Variants in CATSPERB observed in about 807,000 individuals in gnomAD.
CATSPERB encodes cation channel sperm-associated auxiliary subunit beta.
Under a neutral mutation model 128.3 loss-of-function variants are expected in CATSPERB, and 93 were observed. The ratio of observed to expected loss-of-function variants is 0.72; its 90% CI spans 0.61 to 0.86. The LOEUF (loss-of-function observed/expected upper bound fraction) is 0.86. Among genes scored for constraint, CATSPERB ranks in the 40% least tolerant of loss-of-function variants. The probability of loss-of-function intolerance (pLI) is 0.00; values close to 1 mark genes in which losing one functional copy is unlikely to be tolerated. For missense variants in CATSPERB, 1,153 were observed against 1,329.5 expected (o/e 0.87, Z 2.06); for synonymous variants, 381 against 448.8 (o/e 0.85, Z 1.91).
intron 22 of CATSPERB, among the ~76,000 whole-genome samples, chr14:91,594,499 A>G (rs1474417662): frequency 6.6e-6 from 1 of 152,080 alleles, no homozygotes; most frequent in Non-Finnish European, 1.5e-5. Flanking sequence ...AAAAAAAAAA[A>G]AAGAAGTGCC....
chr14:91,605,603 G>A (rs1002137054), intron 22 of CATSPERB, among the ~76,000 whole-genome samples: 3 of 152,066 alleles, frequency 2.0e-5, no homozygotes, highest in Non-Finnish European at 2.9e-5. Context: ...AAACTCTTTC[G>A]CTGGCTCATT....
intron 26 of CATSPERB, among the ~76,000 whole-genome samples, chr14:91,584,952 C>T (rs1030082486): frequency 1.3e-5 from 2 of 152,162 alleles, no homozygotes; most frequent in Non-Finnish European, 2.9e-5. Context: ...CTTACGTCTT[C>T]ACCAAACTTG....
At chr14:91,600,910 G>A (rs565689952) in intron 22 of CATSPERB, among the ~76,000 whole-genome samples, 13 of 152,142 alleles carry the variant, frequency 8.5e-5, no homozygotes, top group African/African-American at 2.4e-4. Context: ...TTTTACCTTC[G>A]GTGTATTTGC....
In CATSPERB at chr14:91,587,601, GATTGGT is replaced by G. The variant is rs1893326523; in HGVS notation, c.3058-331_3058-326del. ...TGGCTTCAAGATGTTCCCTAATTCTGATTGGTTTTCACAATTATCTGTATTATACCA... is the reference window on the plus strand; with the variant it reads ...TGGCTTCAAGATGTTCCCTAATTCTGTTTCACAATTATCTGTATTATACCA... On this transcript the variant is annotated intron_variant, in intron 25 of 26. Coordinates refer to ENST00000256343, the MANE Select transcript of CATSPERB (RefSeq NM_024764.4). Among the ~76,000 whole-genome samples the G allele has an allele frequency of 2.0e-5, 3 of 147,010 alleles. No homozygotes were observed. The South Asian group carries it at 6.4e-4, about 31-fold the overall frequency.
intron 20 of CATSPERB, among the ~76,000 whole-genome samples, chr14:91,616,733 C>CCATTTTT (rs1555360387): frequency 1.2e-5 from 1 of 84,482 alleles, no homozygotes; most frequent in East Asian, 3.5e-4. Flanking sequence ...AAGTATTCCC[C>CCATTTTT]TTTTTTTTTT....
chr14:91,721,311 T>C (rs994941849), intron 4 of CATSPERB, among the ~76,000 whole-genome samples: 1 of 152,122 alleles, frequency 6.6e-6, no homozygotes, highest in African/African-American at 2.4e-5. Flanking sequence ...AGAGAAAATA[T>C]TTGCAAATCA....
chr14:91,637,859 T>C (rs1227171206), intron 16 of CATSPERB, among the ~76,000 whole-genome samples: 1 of 152,112 alleles, frequency 6.6e-6, no homozygotes, highest in African/African-American at 2.4e-5. Context: ...CTACAAATTG[T>C]GAAGTTGGTG....
At chr14:91,651,800 T>C (rs764159258) in intron 15 of CATSPERB, among the ~76,000 whole-genome samples, 1 of 152,156 alleles carries the variant, frequency 6.6e-6, no homozygotes, top group Non-Finnish European at 1.5e-5. Context: ...TGGGGTGGCA[T>C]GACTTCTATG....
chr14:91,587,919 T>C (rs982758168), intron 25 of CATSPERB, 59 bp downstream of exon 25: 13 of 1,072,704 alleles, frequency 1.2e-5, no homozygotes, highest in African/African-American at 1.6e-5. Flanking sequence ...CCAATCTTAG[T>C]TTAGACATAC....
intron 15 of CATSPERB, among the ~76,000 whole-genome samples, chr14:91,640,831 C>G (rs1894483017): frequency 7.1e-6 from 1 of 141,742 alleles, no homozygotes; most frequent in Admixed American, 7.2e-5. Flanking sequence ...CTGACTTCCA[C>G]AATGGTTGAA....
At chr14:91,692,330 AAT>A (rs1290739909) in intron 9 of CATSPERB, among the ~76,000 whole-genome samples, 1 of 152,088 alleles carries the variant, frequency 6.6e-6, no homozygotes, top group Non-Finnish European at 1.5e-5. Context: ...CAGGACTTAC[AAT>A]ATACAATCCC....
chr14:91,716,134 C>G (rs1013247112), intron 5 of CATSPERB, among the ~76,000 whole-genome samples: 2 of 152,170 alleles, frequency 1.3e-5, no homozygotes, highest in Non-Finnish European at 2.9e-5. Flanking sequence ...GATGAAAAGA[C>G]AACCCCAGAC....
chr14:91,689,589 A>T (rs968586066), intron 10 of CATSPERB, among the ~76,000 whole-genome samples: 1 of 152,000 alleles, frequency 6.6e-6, no homozygotes, highest in Non-Finnish European at 1.5e-5. Flanking sequence ...CTTTCCACTT[A>T]TTGTAATTGC....
intron 5 of CATSPERB, among the ~76,000 whole-genome samples, chr14:91,714,287 A>G (rs1566738939): frequency 1.0e-5 from 1 of 99,184 alleles, no homozygotes; most frequent in Non-Finnish European, 2.4e-5. Flanking sequence ...CAAAAAAAAA[A>G]AAAAAGAAAA....
intron 20 of CATSPERB, among the ~76,000 whole-genome samples, chr14:91,612,012 TTTTCTTTCTTTCTTTCTTTCTTTCTTTC>T (rs71120177): frequency 3.0e-5 from 4 of 132,924 alleles, no homozygotes; most frequent in Non-Finnish European, 4.8e-5. Flanking sequence ...TTGTTTACTG[TTTTCTTTCTTTCTTTCTTTCTTTCTTTC>T]TTTCTTTCTT....
At chr14:91,603,670 T>C (rs948469684) in intron 22 of CATSPERB, among the ~76,000 whole-genome samples, 4 of 152,062 alleles carry the variant, frequency 2.6e-5, no homozygotes, top group Non-Finnish European at 5.9e-5. Flanking sequence ...TCAAGGAACT[T>C]ACAATCATGG....
chr14:91,599,326 G>A (rs148899384), intron 22 of CATSPERB, among the ~76,000 whole-genome samples: 180 of 152,198 alleles, frequency 1.2e-3, no homozygotes, highest in African/African-American at 3.9e-3. Context: ...TTGGGAGGCC[G>A]AGGCGGGCGG....
rs1893661526 is a variant in CATSPERB at position 91,604,325 on chromosome 14, G to A, written c.2709+3969C>T. 6 of 754,804 alleles carry A rather than the reference G, an allele frequency of 7.9e-6. No homozygotes were observed. The Admixed American group carries it at 8.8e-5, about 11-fold the overall frequency. The allele number at this position is 754,804 out of a possible 1,614,324, so 46.8% of individuals were successfully genotyped here. On this transcript the variant is annotated intron_variant, in intron 22 of 26. Transcript: ENST00000256343. ...GGTTTCCAAACAAGAAAAATCCTAT[G>A]AGGGATGGGAGGAGGGGAGAGGAAG...
At chr14:91,706,746 G>T (rs982174217) in intron 6 of CATSPERB, among the ~76,000 whole-genome samples, 2 of 151,998 alleles carry the variant, frequency 1.3e-5, no homozygotes, top group Non-Finnish European at 2.9e-5. Flanking sequence ...CAGCATTTTG[G>T]TGAATGATAT....
Sources: gnomAD v4.1 joint callset for allele counts (sites outside exome capture counted in the v4.1 genomes callset) on GRCh38, gnomAD v4.1.1 for gene constraint, MANE v1.5 for transcripts, NCBI Gene and HGNC (gene_info 2026-07-23, HGNC 2026-07-21) for gene names.